The following DNAH14 variants were observed in gnomAD, a reference collection of about 807,000 sequenced individuals.
DNAH14 encodes the protein dynein axonemal heavy chain 14, also known as axonemal beta dynein heavy chain 14.
DNAH14 carries 478 observed loss-of-function variants against 520.9 expected under a neutral mutation model. The ratio of observed to expected loss-of-function variants is 0.92; its 90% CI spans 0.85 to 0.99. DNAH14 has a LOEUF of 0.99. Ranked by LOEUF, DNAH14 falls within the 50% of genes least tolerant of loss-of-function variation. The probability of loss-of-function intolerance (pLI) is 0.00; values close to 1 mark genes in which losing one functional copy is unlikely to be tolerated. For synonymous variants in DNAH14, 1,581 were observed against 1,757.2 expected, an observed-to-expected ratio of 0.90 and a Z score of 2.51; for missense variants, 4,831 against 5,234.5, an observed-to-expected ratio of 0.92 and a Z score of 2.38.
At chr1:225,374,262 A>ATTTTTT (rs1331868776) in intron 77 of DNAH14, among the ~76,000 whole-genome samples, 2 of 89,586 alleles carry the variant, frequency 2.2e-5, no homozygotes, top group African/African-American at 8.0e-5. Flanking sequence ...ATATATATAT[A>ATTTTTT]TATATATATT....
At chr1:225,143,529 C>T (rs2079638210) in intron 28 of DNAH14, among the ~76,000 whole-genome samples, 2 of 151,970 alleles carry the variant, frequency 1.3e-5, no homozygotes, top group Non-Finnish European at 2.9e-5. Flanking sequence ...TACATGATAG[C>T]ATATGTTGAG....
chr1:225,282,647 G>A (rs959960775), intron 54 of DNAH14, among the ~76,000 whole-genome samples: 1 of 152,138 alleles, frequency 6.6e-6, no homozygotes, highest in African/African-American at 2.4e-5. Context: ...GGAATCTCAG[G>A]AAATGCTCTA....
intron 44 of DNAH14, among the ~76,000 whole-genome samples, chr1:225,257,684 T>C (rs189180184): frequency 0.049 from 7,401 of 151,866 alleles, 281 homozygotes; most frequent in Non-Finnish European, 0.073. Flanking sequence ...TGCAGGCGTC[T>C]GCCACCACAC....
At chr1:225,257,681 G>A (rs12029301) in intron 44 of DNAH14, among the ~76,000 whole-genome samples, 36,436 of 151,344 alleles carry the variant, frequency 0.24, 5,332 homozygotes, top group Non-Finnish European at 0.32. Flanking sequence ...GACTGCAGGC[G>A]TCTGCCACCA....
chr1:225,017,586 C>T (rs1467886035), intron 10 of DNAH14, among the ~76,000 whole-genome samples: 5 of 152,334 alleles, frequency 3.3e-5, no homozygotes, highest in Middle Eastern at 3.4e-3. Context: ...GACAGCCTCC[C>T]ACCAGAGCAT....
At chr1:225,296,339 G>A (rs1364113208) in intron 55 of DNAH14, among the ~76,000 whole-genome samples, 2 of 152,016 alleles carry the variant, frequency 1.3e-5, no homozygotes, top group African/African-American at 4.8e-5. Context: ...AGATTATCGG[G>A]GTCAAACACC....
chr1:225,214,498 G>A (rs2088982538), intron 41 of DNAH14, among the ~76,000 whole-genome samples: 1 of 152,180 alleles, frequency 6.6e-6, no homozygotes, highest in Non-Finnish European at 1.5e-5. Flanking sequence ...GCTCCTCCTT[G>A]TACCTCTGGT....
rs888900847 is a variant in DNAH14, at chr1:224,967,918, A to G, written c.651+335A>G. The G allele has an allele frequency of 4.1e-6, 5 of 1,209,990 alleles. No homozygotes were observed. The East Asian group carries it at 1.1e-4, about 26-fold the overall frequency. The allele number at this position is 1,209,990 out of a possible 1,614,324, so 75.0% of individuals were successfully genotyped here. A position where few individuals can be genotyped will look rare whatever the true frequency, so the allele number is the denominator to read the frequency against. On this transcript the variant is annotated intron_variant, in intron 6 of 85. Coordinates refer to ENST00000682510, the MANE Select transcript of DNAH14 (RefSeq NM_001367479.1). ...AATAATAAAGAAAAGAATATTCTTT[A>G]TTGGCACATTTGTCAGAAACTTTAT...
At chr1:224,930,641 A>G (rs574204348) in intron 1 of DNAH14, among the ~76,000 whole-genome samples, 3 of 152,164 alleles carry the variant, frequency 2.0e-5, no homozygotes, top group African/African-American at 7.2e-5. Flanking sequence ...TCTGTCGCCC[A>G]GGCTGGAGTG....
chr1:225,051,431 C>T lies in DNAH14; in HGVS notation c.2080-20C>T. 4 of 1,427,910 alleles carry T rather than the reference C, an allele frequency of 2.8e-6. No homozygotes were observed. Among genetic ancestry groups the T allele is most frequent in the Non-Finnish European group, 3.7e-6 (4 of 1,085,186 alleles). 88.5% of individuals were successfully genotyped at this position (1,427,910 alleles called of 1,614,324 possible). On this transcript the variant is annotated intron_variant, in intron 16 of 85. Transcript: ENST00000682510. ...TTAAAATAAAAATTCTGACTAACAT[C>T]TCAACATTCTTCTTTACAGATTGTG...
chr1:225,348,169 G>A (rs999201940), intron 71 of DNAH14, among the ~76,000 whole-genome samples: 1 of 151,928 alleles, frequency 6.6e-6, no homozygotes, highest in East Asian at 1.9e-4. Flanking sequence ...TGAAATTATC[G>A]AGTCAGAAGA....
Position 225,192,826 on chromosome 1 carries a change from G to A in DNAH14, c.5801G>A (p.Arg1934Gln), listed in dbSNP as rs775576952. The A allele has an allele frequency of 2.6e-5, 40 of 1,550,162 alleles. No homozygotes were observed. Among genetic ancestry groups the A allele is most frequent in the Admixed American group, 1.2e-4 (6 of 50,954 alleles). The change falls in exon 38 of 86, where the codon CGA becomes CAA. Residue 1934 changes from arginine to glutamine, a missense_variant. Physicochemically the swap from Arg to Gln is conservative, Grantham distance 43. Coordinates refer to ENST00000682510, the MANE Select transcript of DNAH14 (RefSeq NM_001367479.1). ...GATGGATTATTATCAGCAACAATTCGAAGTTATGTATATTTTAACACACCA... is the reference window on the plus strand; with the variant it reads ...GATGGATTATTATCAGCAACAATTCAAAGTTATGTATATTTTAACACACCA... Reference protein sequence around the residue: ...WTDGLLSATIRSYVYFNTPKN... With the variant: ...WTDGLLSATIQSYVYFNTPKN...
intron 27 of DNAH14, among the ~76,000 whole-genome samples, chr1:225,130,278 C>G (rs570600382): frequency 2.0e-5 from 3 of 152,110 alleles, no homozygotes; most frequent in Non-Finnish European, 2.9e-5. Flanking sequence ...TCAGAGATCT[C>G]GAACTAGAAA....
In DNAH14 at chr1:225,133,675, G is replaced by A. The variant is rs1418567725; in HGVS notation, c.4255-7093G>A. The stretch of plus-strand genomic sequence containing the variant: ...CAAGTAGTGTGATGCCTCCAGATTC[G>A]TTCTTTTTGCTTAGTATTGACTTGG... On this transcript the variant is annotated intron_variant, in intron 27 of 85. Transcript: ENST00000682510. 2.0e-5 allele frequency among the ~76,000 whole-genome samples: 3 copies of A among 152,156 alleles called. No individual in the cohort carries two copies. The South Asian group carries it at 6.2e-4, about 31-fold the overall frequency.
Position 225,167,921 on chromosome 1 carries a change from G to A in DNAH14, c.5446-18G>A, listed in dbSNP as rs1338466814. 3 of 1,371,514 alleles carry A rather than the reference G, an allele frequency of 2.2e-6. No individual in the cohort carries two copies. Among genetic ancestry groups the A allele is most frequent in the Non-Finnish European group, 2.0e-6 (2 of 1,018,988 alleles). The allele number at this position is 1,371,514 out of a possible 1,614,324, so 85.0% of individuals were successfully genotyped here. ...CATTTGCAATGCATTTTAAATTTATGTATTTATTTCCTTTTAGAAAGTAAT... is the reference window on the plus strand; with the variant it reads ...CATTTGCAATGCATTTTAAATTTATATATTTATTTCCTTTTAGAAAGTAAT... On this transcript the variant is annotated intron_variant, in intron 35 of 85. Coordinates refer to ENST00000682510, the MANE Select transcript of DNAH14 (RefSeq NM_001367479.1).
At chr1:225,337,598 A>G in intron 67 of DNAH14, 102 bp downstream of exon 67, 1 of 805,626 alleles carries the variant, frequency 1.2e-6, no homozygotes, top group South Asian at 1.7e-5. Context: ...ACTGTCAGGG[A>G]AAAAATAATA....
intron 39 of DNAH14, 83 bp downstream of exon 39, chr1:225,204,356 C>T (rs1211458126): frequency 1.5e-5 from 12 of 826,842 alleles, no homozygotes; most frequent in Non-Finnish European, 2.2e-5. Flanking sequence ...TATGTTTAAA[C>T]ATGTTTTTTG....
intron 54 of DNAH14, among the ~76,000 whole-genome samples, chr1:225,281,342 A>ATCTC (rs142569037): frequency 4.0e-5 from 6 of 150,318 alleles, no homozygotes; most frequent in African/African-American, 7.3e-5. Flanking sequence ...CAGTCATAAC[A>ATCTC]TCTCTCTCTC....
At chr1:225,288,042 G>A (rs1006623169) in intron 54 of DNAH14, among the ~76,000 whole-genome samples, 1 of 152,074 alleles carries the variant, frequency 6.6e-6, no homozygotes, top group Non-Finnish European at 1.5e-5. Context: ...CATAATGTAC[G>A]TAGGTAGTCT....
Sources: gnomAD v4.1 joint callset for allele counts (sites outside exome capture counted in the v4.1 genomes callset) on GRCh38, gnomAD v4.1.1 for gene constraint, MANE v1.5 for transcripts, NCBI Gene and HGNC (gene_info 2026-07-23, HGNC 2026-07-21) for gene names.